UGT1A8: variants seen among roughly 807,000 people sequenced by gnomAD.
UGT1A8 encodes UDP-glucuronosyltransferase 1A8.
UGT1A8 carries 39 observed loss-of-function variants against 45.3 expected under a neutral mutation model. That is an observed-to-expected ratio of 0.86 (90% CI 0.67 to 1.12). UGT1A8 has a LOEUF of 1.12. Ranked by LOEUF, UGT1A8 falls within the 50% of genes most tolerant of loss-of-function variation. The probability of loss-of-function intolerance (pLI) is 0.00; values close to 1 mark genes in which losing one functional copy is unlikely to be tolerated. For missense variants in UGT1A8, 719 were observed against 664.9 expected, an observed-to-expected ratio of 1.08 and a Z score of -0.90; for synonymous variants, 275 against 249.2, an observed-to-expected ratio of 1.10 and a Z score of -0.97.
Position 233,772,339 on chromosome 2 carries a change from G to C in UGT1A8, c.1373G>C (p.Trp458Ser), listed in dbSNP as rs1424603943. 4.3e-6 allele frequency: 7 copies of C among 1,614,256 alleles called. No individual in the cohort carries two copies. Among genetic ancestry groups the C allele is most frequent in the Non-Finnish European group, 5.9e-6 (7 of 1,180,038 alleles). ...GAGCCGCTGGACCTGGCCGTGTTCT[G>C]GGTGGAGTTTGTGATGAGGCACAAG... ...PVEPLDLAVF[W>S]VEFVMRHKGA... is the part of the protein sequence containing the mutation. The change falls in exon 5 of 5, where the codon TGG becomes TCG. Residue 458 changes from tryptophan to serine, a missense_variant. Transcript: ENST00000373450.
At position 233,772,584 on chromosome 2, in the gene UGT1A8, A is replaced by T; in HGVS notation, c.*25A>T. 6.2e-7 allele frequency: 1 copy of T among 1,604,676 alleles called. No homozygotes were observed. The highest frequency in any genetic ancestry group is 8.5e-7 in the Non-Finnish European group (1 of 1,174,986). On this transcript the variant is annotated 3_prime_UTR_variant, in exon 5 of 5. Transcript: ENST00000373450. ...AGAAGTGGGTGGGAAATAAGGTAAAATTTTGAACCATTCCCTAGTCATTTC... is the reference window on the plus strand; with the variant it reads ...AGAAGTGGGTGGGAAATAAGGTAAATTTTTGAACCATTCCCTAGTCATTTC...
At chr2:233,763,534 C>T (rs545430015) in intron 1 of UGT1A8, among the ~76,000 whole-genome samples, 5 of 152,184 alleles carry the variant, frequency 3.3e-5, no homozygotes, top group Admixed American at 1.3e-4. Context: ...CTCCTTTTTC[C>T]GGATTTCTAC....
intron 1 of UGT1A8, among the ~76,000 whole-genome samples, chr2:233,724,870 T>C (rs1288208202): frequency 1.6e-5 from 2 of 128,160 alleles, no homozygotes; most frequent in African/African-American, 6.8e-5. Context: ...TAGGTTGTAG[T>C]GAGCGGAGAT....
chr2:233,715,268 C>A (rs1400036159), intron 1 of UGT1A8, among the ~76,000 whole-genome samples: 1 of 152,186 alleles, frequency 6.6e-6, no homozygotes, highest in Non-Finnish European at 1.5e-5. Context: ...CCTTACATAA[C>A]AAATTCTCCT....
chr2:233,670,780 T>A (rs564873485), intron 1 of UGT1A8, among the ~76,000 whole-genome samples: 21 of 152,308 alleles, frequency 1.4e-4, no homozygotes, highest in Admixed American at 1.2e-3. Flanking sequence ...TCATGGGTTC[T>A]GGGTGGCTAG....
Position 233,750,687 on chromosome 2 carries a change from G to T in UGT1A8, c.856-16347G>T, listed in dbSNP as rs1349099199. On this transcript the variant is annotated intron_variant, in intron 1 of 4. Coordinates refer to ENST00000373450, the MANE Select transcript of UGT1A8 (RefSeq NM_019076.5). The stretch of plus-strand genomic sequence containing the variant: ...CTGTGTCCCAGTGGCTCCAGCCATG[G>T]CTAAAAGAGGCCAAGGTAGAGCTCA... The T allele has an allele frequency of 2.6e-5, 4 of 151,974 alleles. No individual in the cohort carries two copies. In the South Asian group the frequency reaches 6.2e-4, roughly 24 times the overall value. 9.4% of individuals were successfully genotyped at this position (151,974 alleles called of 1,614,324 possible). A position where few individuals can be genotyped will look rare whatever the true frequency, so the allele number is the denominator to read the frequency against.
intron 1 of UGT1A8, among the ~76,000 whole-genome samples, chr2:233,659,829 T>A (rs1232559093): frequency 1.3e-5 from 2 of 152,230 alleles, no homozygotes; most frequent in Non-Finnish European, 2.9e-5. Flanking sequence ...CAGTCTTCAA[T>A]AATCGGAATC....
chr2:233,709,753 T>A (rs1405121833), intron 1 of UGT1A8, among the ~76,000 whole-genome samples: 1 of 152,244 alleles, frequency 6.6e-6, no homozygotes, highest in Non-Finnish European at 1.5e-5. Context: ...ATAAACATTA[T>A]TGGAGTATTA....
intron 1 of UGT1A8, among the ~76,000 whole-genome samples, chr2:233,724,331 G>A (rs1366026275): frequency 6.4e-5 from 9 of 139,780 alleles, no homozygotes; most frequent in East Asian, 2.2e-4. Flanking sequence ...CTGGCCAGGC[G>A]GGGGGCTGAC....
At chr2:233,677,303 C>T (rs961427723) in intron 1 of UGT1A8, among the ~76,000 whole-genome samples, 27 of 152,184 alleles carry the variant, frequency 1.8e-4, no homozygotes, top group African/African-American at 5.1e-4. Flanking sequence ...TATTTTTAAT[C>T]CAGTTTTCAA....
intron 1 of UGT1A8, among the ~76,000 whole-genome samples, chr2:233,626,769 T>C (rs2073091137): frequency 6.6e-6 from 1 of 152,040 alleles, no homozygotes; most frequent in South Asian, 2.1e-4. Context: ...AGAGACTGAA[T>C]TAGAGATGTT....
chr2:233,694,793 A>C (rs6761246), intron 1 of UGT1A8, among the ~76,000 whole-genome samples: 98,206 of 152,078 alleles, frequency 0.65, 32,213 homozygotes, highest in African/African-American at 0.73. Flanking sequence ...GATAACTGAA[A>C]TGGTTCCAGG....
At chr2:233,694,929 A>T (rs1032290740) in intron 1 of UGT1A8, among the ~76,000 whole-genome samples, 2 of 152,240 alleles carry the variant, frequency 1.3e-5, no homozygotes, top group African/African-American at 4.8e-5. Context: ...CGATGATCAA[A>T]TCAGGGTAAT....
intron 1 of UGT1A8, among the ~76,000 whole-genome samples, chr2:233,633,500 C>G (rs547727066): frequency 6.6e-6 from 1 of 152,134 alleles, no homozygotes; most frequent in South Asian, 2.1e-4. Context: ...TGTTATTGGT[C>G]TATTCAGGAA....
chr2:233,773,007 TA>T lies in UGT1A8; in HGVS notation c.*449del, dbSNP rs61757317. On this transcript the variant is annotated 3_prime_UTR_variant, in exon 5 of 5. Coordinates refer to ENST00000373450, the MANE Select transcript of UGT1A8 (RefSeq NM_019076.5). ...CAGTCCTCATCTCTGTCGTGCTTCA[TA>T]GGTGCCACCTTGTGTGTTTAAAGAA... is the stretch of plus-strand genomic sequence containing the variant. 26 of 218,224 alleles carry T rather than the reference TA, an allele frequency of 1.2e-4. No homozygotes were observed. Among genetic ancestry groups the T allele is most frequent in the Non-Finnish European group, 2.2e-4 (24 of 108,252 alleles). The allele number at this position is 218,224 out of a possible 1,614,324, so 13.5% of individuals were successfully genotyped here.
At position 233,660,502 on chromosome 2, in the gene UGT1A8, T is replaced by C. The variant is rs149390402; in HGVS notation, c.855+41940T>C. On this transcript the variant is annotated intron_variant, in intron 1 of 4. Transcript: ENST00000373450. Reference sequence around the variant, plus strand: ...TTCAGAGACAAAGCGTTGGTTTTCATGGAACCAGTTTGGAAAAAGTGTTTC... The same window carrying C: ...TTCAGAGACAAAGCGTTGGTTTTCACGGAACCAGTTTGGAAAAAGTGTTTC... Among the ~76,000 whole-genome samples, 290 of 152,308 alleles carry C rather than the reference T, an allele frequency of 1.9e-3. 1 individual carries two copies. The highest frequency in any genetic ancestry group is 3.6e-3 in the Non-Finnish European group (247 of 68,004).
At chr2:233,743,547 C>T (rs201114978) in intron 1 of UGT1A8, 3 of 1,367,292 alleles carry the variant, frequency 2.2e-6, no homozygotes, top group Non-Finnish European at 9.8e-7. Context: ...TCTGACCCCC[C>T]CAAAATATTC....
At chr2:233,660,817 C>T (rs1206550371) in intron 1 of UGT1A8, among the ~76,000 whole-genome samples, 2 of 152,022 alleles carry the variant, frequency 1.3e-5, no homozygotes, top group Non-Finnish European at 2.9e-5. Context: ...CTCCTCAATG[C>T]TTCTCTTCAT....
intron 1 of UGT1A8, among the ~76,000 whole-genome samples, chr2:233,687,679 G>A (rs1024397203): frequency 4.0e-5 from 6 of 151,660 alleles, no homozygotes; most frequent in Admixed American, 1.3e-4. Context: ...AAGGCAGGAA[G>A]ATCACTTAAG....
Sources: gnomAD v4.1 joint callset for allele counts (sites outside exome capture counted in the v4.1 genomes callset) on GRCh38, gnomAD v4.1.1 for gene constraint, MANE v1.5 for transcripts, NCBI Gene and HGNC (gene_info 2026-07-23, HGNC 2026-07-21) for gene names.